The following HTT variants were observed in gnomAD, a reference collection of about 807,000 sequenced individuals.
HTT encodes huntingtin, also known as huntington disease protein.
In HTT, 104 loss-of-function variants were observed where a neutral mutation model predicts 362.3. That is an observed-to-expected ratio of 0.29 (90% CI 0.24 to 0.34). The LOEUF (loss-of-function observed/expected upper bound fraction) is 0.34. Among genes scored for constraint, HTT ranks in the 10% least tolerant of loss-of-function variants. The probability of loss-of-function intolerance (pLI) is 1.00; values close to 1 mark genes in which losing one functional copy is unlikely to be tolerated. For synonymous variants in HTT, 1,577 were observed against 1,548.7 expected, an observed-to-expected ratio of 1.02 and a Z score of -0.43; for missense variants, 3,301 against 3,928.6, an observed-to-expected ratio of 0.84 and a Z score of 4.27.
intron 33 of HTT, among the ~76,000 whole-genome samples, chr4:3,176,826 A>C (rs771022706): frequency 6.6e-6 from 1 of 152,244 alleles, no homozygotes; most frequent in Non-Finnish European, 1.5e-5. Flanking sequence ...TGAGAAAACC[A>C]GGCCATATGC....
chr4:3,136,864 A>G (rs907309597), intron 21 of HTT, among the ~76,000 whole-genome samples: 1 of 151,764 alleles, frequency 6.6e-6, no homozygotes, highest in Non-Finnish European at 1.5e-5. Context: ...GTTTGTGTAT[A>G]GTTTTCTTTT....
chr4:3,235,837 G>A lies in HTT; in HGVS notation c.8785+59G>A. 7.4e-6 allele frequency: 10 copies of A among 1,345,746 alleles called. No individual in the cohort carries two copies. In the South Asian group the frequency reaches 1.1e-4, roughly 15 times the overall value. The allele number at this position is 1,345,746 out of a possible 1,614,324, so 83.4% of individuals were successfully genotyped here. ...CAAGTCCTGTTCAAGGGAGGCAGGA[G>A]CATGCTCACTCAAGGGACCTCGACT... On this transcript the variant is annotated intron_variant, in intron 63 of 66. Transcript: ENST00000355072.
At chr4:3,167,363 G>C (rs924176982) in intron 29 of HTT, among the ~76,000 whole-genome samples, 1 of 152,074 alleles carries the variant, frequency 6.6e-6, no homozygotes, top group African/African-American at 2.4e-5. Flanking sequence ...CAGCCACCAC[G>C]CCCAGCCATA....
At chr4:3,179,197 G>A (rs1718381252) in intron 35 of HTT, among the ~76,000 whole-genome samples, 1 of 152,188 alleles carries the variant, frequency 6.6e-6, no homozygotes, top group South Asian at 2.1e-4. Context: ...CAACCGGGCT[G>A]TGTTGCGAGG....
intron 10 of HTT, among the ~76,000 whole-genome samples, chr4:3,124,274 A>G (rs1354412057): frequency 6.6e-6 from 1 of 152,196 alleles, no homozygotes; most frequent in Non-Finnish European, 1.5e-5. Flanking sequence ...GGCGGTGAGA[A>G]CGAAGATGAC....
intron 1 of HTT, among the ~76,000 whole-genome samples, chr4:3,086,344 C>A (rs1713206218): frequency 6.6e-6 from 1 of 152,096 alleles, no homozygotes; most frequent in African/African-American, 2.4e-5. Flanking sequence ...TTGGGCATGT[C>A]ATGGTTGGCA....
intron 37 of HTT, 71 bp downstream of exon 37, chr4:3,182,541 G>A (rs1718575996): frequency 1.1e-6 from 1 of 890,266 alleles, no homozygotes; most frequent in Admixed American, 1.7e-5. Flanking sequence ...AAGGTGGGTG[G>A]CTGGAATCAG....
intron 59 of HTT, among the ~76,000 whole-genome samples, chr4:3,229,626 G>T (rs553752353): frequency 6.8e-6 from 1 of 146,486 alleles, no homozygotes; most frequent in Non-Finnish European, 1.5e-5. Flanking sequence ...TGCACACCAC[G>T]CACACACACC....
chr4:3,186,307 G>A (rs1214069747), intron 37 of HTT, among the ~76,000 whole-genome samples: 3 of 152,142 alleles, frequency 2.0e-5, no homozygotes, highest in Non-Finnish European at 4.4e-5. Context: ...TGCAGTGCTA[G>A]TTGATTTTTT....
intron 8 of HTT, among the ~76,000 whole-genome samples, chr4:3,116,485 A>T (rs749909902): frequency 2.0e-5 from 3 of 152,074 alleles, no homozygotes; most frequent in Non-Finnish European, 4.4e-5. Context: ...GTGCCGTGTT[A>T]CCTAAGCCTC....
intron 28 of HTT, among the ~76,000 whole-genome samples, chr4:3,158,961 C>T (rs1717307848): frequency 6.6e-6 from 1 of 152,212 alleles, no homozygotes; most frequent in Non-Finnish European, 1.5e-5. Context: ...TGCTGTAATT[C>T]TGGCCTCCCT....
At chr4:3,212,942 G>A in intron 49 of HTT, 1 of 509,942 alleles carries the variant, frequency 2.0e-6, no homozygotes. Context: ...CTTCTCATCT[G>A]CACCTACCAT....
At chr4:3,103,118 G>C (rs1176935212) in intron 3 of HTT, among the ~76,000 whole-genome samples, 1 of 151,666 alleles carries the variant, frequency 6.6e-6, no homozygotes, top group Non-Finnish European at 1.5e-5. Context: ...CCAGGGTGCC[G>C]TCTGAGCCCG....
chr4:3,094,678 ACCTCCCGGACGGGGCGGCTGG>A (rs1713738293), intron 2 of HTT, among the ~76,000 whole-genome samples: 1 of 116,032 alleles, frequency 8.6e-6, no homozygotes, highest in African/African-American at 4.2e-5. Flanking sequence ...GCTGCCCCCC[ACCTCCCGGACGGGGCGGCTGG>A]CCGGGCGGGG....
rs917033447 is a variant in HTT, at chr4:3,218,177, A to C, written c.7242+225A>C. Among the ~76,000 whole-genome samples, 3 of 152,236 alleles carry C rather than the reference A, an allele frequency of 2.0e-5. No individual in the cohort carries two copies. The highest frequency in any genetic ancestry group is 7.2e-5 in the African/African-American group (3 of 41,454). Reference sequence around the variant, plus strand: ...GTTTTCTAAAATGAACTGAGGCCCTACATCCCTAAGAGATTAGTGTTAGAC... The same window carrying C: ...GTTTTCTAAAATGAACTGAGGCCCTCCATCCCTAAGAGATTAGTGTTAGAC... On this transcript the variant is annotated intron_variant, in intron 52 of 66. Coordinates refer to ENST00000355072, the MANE Select transcript of HTT (RefSeq NM_001388492.1). The surrounding 1 kb of genome is among the most constrained non-coding windows in gnomAD (Gnocchi z 4.4).
At chr4:3,196,463 G>A (rs897896402) in intron 40 of HTT, among the ~76,000 whole-genome samples, 3 of 152,202 alleles carry the variant, frequency 2.0e-5, no homozygotes, top group Non-Finnish European at 2.9e-5. Flanking sequence ...CAGGCCAGGT[G>A]TGGTGGCTCA....
At chr4:3,092,615 C>T (rs112661558) in intron 2 of HTT, among the ~76,000 whole-genome samples, 12,357 of 152,126 alleles carry the variant, frequency 0.081, 853 homozygotes, top group African/African-American at 0.19. Flanking sequence ...TTCCTGGGCC[C>T]AAGTGATCCT....
At position 3,080,095 on chromosome 4, in the gene HTT, T is replaced by C. The variant is rs937066211; in HGVS notation, c.263+5007T>C. Among the ~76,000 whole-genome samples the C allele has an allele frequency of 5.9e-5, 9 of 152,172 alleles. No individual in the cohort carries two copies. The South Asian group carries it at 6.2e-4, about 11-fold the overall frequency. On this transcript the variant is annotated intron_variant, in intron 1 of 66. Coordinates refer to ENST00000355072, the MANE Select transcript of HTT (RefSeq NM_001388492.1). The stretch of plus-strand genomic sequence containing the variant: ...CAATAAGTTAAGGAACCCAGGCTCT[T>C]TCTTTTTTTTTTTTTTGAAACGGAG...
At chr4:3,135,309 T>C (rs1716008568) in intron 19 of HTT, among the ~76,000 whole-genome samples, 1 of 150,226 alleles carries the variant, frequency 6.7e-6, no homozygotes, top group Non-Finnish European at 1.5e-5. Flanking sequence ...GGCAACAGAG[T>C]GAGACTTGGC....
Sources: gnomAD v4.1 joint callset for allele counts (sites outside exome capture counted in the v4.1 genomes callset) on GRCh38, gnomAD v4.1.1 for gene constraint, Gnocchi (gnomAD v3.1) non-coding constraint, MANE v1.5 for transcripts, NCBI Gene and HGNC (gene_info 2026-07-23, HGNC 2026-07-21) for gene names.